MICAL3: variants seen among roughly 807,000 people sequenced by gnomAD.
MICAL3 encodes the protein [F-actin]-monooxygenase MICAL3.
Under a neutral mutation model 207.4 loss-of-function variants are expected in MICAL3, and 62 were observed. The ratio of observed to expected loss-of-function variants is 0.30; its 90% CI spans 0.24 to 0.37. MICAL3 has a LOEUF of 0.37. MICAL3 is among the 10% of genes least tolerant of loss of function. The pLI is 1.00. For synonymous variants in MICAL3, 1,077 were observed against 1,069.3 expected, an observed-to-expected ratio of 1.01 and a Z score of -0.14; for missense variants, 2,368 against 2,635.6, an observed-to-expected ratio of 0.90 and a Z score of 2.22.
intron 1 of MICAL3, among the ~76,000 whole-genome samples, chr22:17,994,598 A>G (rs900052681): frequency 1.3e-5 from 2 of 152,172 alleles, no homozygotes; most frequent in Admixed American, 6.5e-5. Context: ...CTGTAGTCCC[A>G]GCTACTCAGG....
chr22:17,822,979 T>G lies in MICAL3; in HGVS notation c.3275A>C (p.Asp1092Ala). ...EIEGEAAEDG[D>A]PGDTGAELDD... ...CAGCTCAGCACCAGTGTCCCCTGGGTCCCCATCCTCTGCTGCCTCCCCTTC... is the reference window on the plus strand; with the variant it reads ...CAGCTCAGCACCAGTGTCCCCTGGGGCCCCATCCTCTGCTGCCTCCCCTTC... The change falls in exon 23 of 32, where the codon GAC (aspartate) becomes GCC (alanine). Residue 1092 changes from aspartate to alanine, a missense_variant. Physicochemically the swap from Asp to Ala is moderately radical, Grantham distance 126 (BLOSUM62 -2). Around this residue, in one of 4 missense-constraint regions of MICAL3, gnomAD observed 1,770 missense variants for 1,863.2 expected, o/e 0.95. Transcript: ENST00000441493. 6.2e-7 allele frequency: 1 copy of G among 1,613,610 alleles called. No individual in the cohort carries two copies. Among genetic ancestry groups the G allele is most frequent in the Non-Finnish European group, 8.5e-7 (1 of 1,179,656 alleles).
intron 12 of MICAL3, among the ~76,000 whole-genome samples, chr22:17,889,696 A>T (rs1449526343): frequency 6.6e-6 from 1 of 152,156 alleles, no homozygotes; most frequent in Non-Finnish European, 1.5e-5. Context: ...AGTCCTAGCT[A>T]CTTGGGAGGC....
chr22:17,973,957 A>C (rs8141896), intron 1 of MICAL3, among the ~76,000 whole-genome samples: 7,824 of 152,232 alleles, frequency 0.051, 386 homozygotes, highest in African/African-American at 0.13. Flanking sequence ...CATAAATAAA[A>C]AACAAGTCCC....
At chr22:17,865,319 G>A (rs529705121) in intron 18 of MICAL3, among the ~76,000 whole-genome samples, 15 of 152,230 alleles carry the variant, frequency 9.9e-5, no homozygotes, top group African/African-American at 3.4e-4. Flanking sequence ...GCCCTCAAGG[G>A]GGACTGACAG....
At chr22:17,852,511 C>G (rs1191520969) in intron 19 of MICAL3, among the ~76,000 whole-genome samples, 1 of 152,222 alleles carries the variant, frequency 6.6e-6, no homozygotes, top group Admixed American at 6.5e-5. Flanking sequence ...CAGGAGCGCA[C>G]AGCCCAGGCT....
chr22:17,917,724 C>CG (rs920848813), intron 1 of MICAL3, among the ~76,000 whole-genome samples: 1 of 152,204 alleles, frequency 6.6e-6, no homozygotes, highest in African/African-American at 2.4e-5. Context: ...CCTCCCTGGG[C>CG]GGGGCTGCCC....
At chr22:17,907,332 G>T (rs968009361) in intron 1 of MICAL3, among the ~76,000 whole-genome samples, 9 of 152,170 alleles carry the variant, frequency 5.9e-5, no homozygotes, top group Non-Finnish European at 4.4e-5. Flanking sequence ...ACAAAGACAG[G>T]CCTGAGTGAC....
chr22:17,908,528 C>G (rs531741539), intron 1 of MICAL3, among the ~76,000 whole-genome samples: 4 of 152,238 alleles, frequency 2.6e-5, no homozygotes, highest in Non-Finnish European at 4.4e-5. Context: ...AGGATGGTCT[C>G]AATCTCCTGA....
chr22:17,961,475 A>C lies in MICAL3; in HGVS notation c.-74-54589T>G, dbSNP rs184291160. Among the ~76,000 whole-genome samples, 776 of 152,050 alleles carry C rather than the reference A, an allele frequency of 5.1e-3. 9 individuals are homozygous for C. The highest frequency in any genetic ancestry group is 0.018 in the African/African-American group (731 of 41,458). ...CTGACCAGGAGGGCATCAGTCTCCA[A>C]ATCTGCCTCCTTCCCCCCACCCTCT... is the stretch of plus-strand genomic sequence containing the variant. On this transcript the variant is annotated intron_variant, in intron 1 of 31. Transcript: ENST00000441493.
intron 19 of MICAL3, among the ~76,000 whole-genome samples, chr22:17,856,023 G>T (rs1000602471): frequency 6.6e-6 from 1 of 152,240 alleles, no homozygotes; most frequent in Non-Finnish European, 1.5e-5. Flanking sequence ...TGTGCAACAT[G>T]GGGCCTGCCT....
chr22:17,947,071 G>A (rs1351327325), intron 1 of MICAL3, among the ~76,000 whole-genome samples: 1 of 152,258 alleles, frequency 6.6e-6, no homozygotes, highest in Admixed American at 6.5e-5. Flanking sequence ...TGAGACTTCA[G>A]AAGAGAAACG....
Position 17,896,269 on chromosome 22 carries a change from G to A in MICAL3, c.1299C>T (p.Ser433=), listed in dbSNP as rs1465027979. 1.3e-6 allele frequency: 2 copies of A among 1,556,924 alleles called. No individual in the cohort carries two copies. The part of the protein sequence containing the change: ...WMVRSWSLGT[S]PLEVLAERES... ...ACCTCTCTGCCAGCACTTCCAAAGG[G>A]CTCGTTCCTAGAGACCAACTTCGGA... The change falls in exon 9 of 32, where the codon AGC becomes AGT. Residue 433 remains serine, a synonymous_variant. Coordinates refer to ENST00000441493, the MANE Select transcript of MICAL3 (RefSeq NM_015241.3).
chr22:17,838,300 C>T (rs1463537459), intron 20 of MICAL3, among the ~76,000 whole-genome samples: 2 of 152,218 alleles, frequency 1.3e-5, no homozygotes, highest in Admixed American at 1.3e-4. Flanking sequence ...GCTTTCATCA[C>T]AAGCCCTGGG....
chr22:18,018,461 C>T (rs894766823), intron 1 of MICAL3, among the ~76,000 whole-genome samples: 13 of 152,242 alleles, frequency 8.5e-5, no homozygotes, highest in Admixed American at 2.0e-4. Context: ...TGGTGGCTCA[C>T]ACCTGTAATC....
At chr22:17,884,443 A>G in intron 16 of MICAL3, 3 of 1,030,438 alleles carry the variant, frequency 2.9e-6, no homozygotes, top group Non-Finnish European at 4.2e-6. Context: ...AGAAGAACAG[A>G]AAGAACTCAC....
intron 29 of MICAL3, among the ~76,000 whole-genome samples, chr22:17,804,088 G>A (rs1337850955): frequency 6.6e-6 from 1 of 152,212 alleles, no homozygotes; most frequent in Non-Finnish European, 1.5e-5. Flanking sequence ...CGGGAGGAGG[G>A]CGGTAACTAA....
chr22:17,920,134 C>T (rs533422442), intron 1 of MICAL3, among the ~76,000 whole-genome samples: 1 of 152,298 alleles, frequency 6.6e-6, no homozygotes, highest in African/African-American at 2.4e-5. Flanking sequence ...TGGGCGGTGA[C>T]GGAGGAGGCA....
intron 1 of MICAL3, among the ~76,000 whole-genome samples, chr22:17,932,343 A>G (rs1045959938): frequency 2.0e-5 from 3 of 152,194 alleles, no homozygotes; most frequent in Non-Finnish European, 4.4e-5. Flanking sequence ...AAAGAAAAGA[A>G]TTTTCAACCC....
chr22:17,806,049 C>T (rs1351051463), intron 29 of MICAL3, among the ~76,000 whole-genome samples: 1 of 152,182 alleles, frequency 6.6e-6, no homozygotes, highest in Admixed American at 6.5e-5. Context: ...TATATGCCAA[C>T]TTTTCACCCA....
Sources: allele counts gnomAD v4.1 joint callset (sites outside exome capture counted in the v4.1 genomes callset), GRCh38; gene constraint gnomAD v4.1.1; regional missense constraint gnomAD v4.1.1; transcripts MANE v1.5; gene names NCBI Gene and HGNC (gene_info 2026-07-23, HGNC 2026-07-21).